The following HTR7 variants were observed in gnomAD, a reference collection of about 807,000 sequenced individuals.
The protein encoded by HTR7 is 5-hydroxytryptamine receptor 7.
HTR7 carries 16 observed loss-of-function variants against 34.0 expected under a neutral mutation model. That is an observed-to-expected ratio of 0.47 (90% CI 0.32 to 0.71). The LOEUF (loss-of-function observed/expected upper bound fraction) is 0.71, where lower values mean the gene tolerates loss of function less well. Among genes scored for constraint, HTR7 ranks in the 30% least tolerant of loss-of-function variants. The pLI is 0.04. For synonymous variants in HTR7, 265 were observed against 260.2 expected (o/e 1.02, Z -0.18); for missense variants, 504 against 625.5 (o/e 0.81, Z 2.07).
At chr10:90,767,077 A>G (rs2119741344) in intron 1 of HTR7, among the ~76,000 whole-genome samples, 1 of 152,194 alleles carries the variant, frequency 6.6e-6, no homozygotes, top group East Asian at 1.9e-4. Context: ...AGCTGTGCTC[A>G]GCAATTGGGA....
intron 1 of HTR7, among the ~76,000 whole-genome samples, chr10:90,849,181 T>A (rs192077728): frequency 6.6e-6 from 1 of 152,242 alleles, no homozygotes; most frequent in African/African-American, 2.4e-5. Context: ...GATATGTACC[T>A]GGTGATAAAA....
intron 1 of HTR7, among the ~76,000 whole-genome samples, chr10:90,831,269 T>C (rs1846168021): frequency 6.6e-6 from 1 of 152,122 alleles, no homozygotes; most frequent in Non-Finnish European, 1.5e-5. Flanking sequence ...TGTCCGGAGT[T>C]TGTTCCTTCT....
At chr10:90,836,047 A>C (rs750766210) in intron 1 of HTR7, among the ~76,000 whole-genome samples, 1 of 152,154 alleles carries the variant, frequency 6.6e-6, no homozygotes, top group Non-Finnish European at 1.5e-5. Flanking sequence ...ATTATATAAG[A>C]CACAAATTAC....
chr10:90,771,457 A>G (rs1284184338), intron 1 of HTR7, among the ~76,000 whole-genome samples: 1 of 152,212 alleles, frequency 6.6e-6, no homozygotes. Context: ...CTTTGGGGAG[A>G]CCAGACCTGA....
chr10:90,777,865 G>C (rs1300522835), intron 1 of HTR7, among the ~76,000 whole-genome samples: 3 of 152,208 alleles, frequency 2.0e-5, no homozygotes, highest in Non-Finnish European at 4.4e-5. Context: ...GTCAGTATGA[G>C]AGATCAAAAT....
At chr10:90,751,935 A>G (rs1252897769) in intron 1 of HTR7, among the ~76,000 whole-genome samples, 1 of 152,222 alleles carries the variant, frequency 6.6e-6, no homozygotes, top group Non-Finnish European at 1.5e-5. Flanking sequence ...AACATTTCAG[A>G]ATTTTAGATA....
At chr10:90,811,709 G>GC (rs1282303216) in intron 1 of HTR7, among the ~76,000 whole-genome samples, 1 of 151,986 alleles carries the variant, frequency 6.6e-6, no homozygotes, top group Non-Finnish European at 1.5e-5. Flanking sequence ...TCAGGGATTT[G>GC]CCCCCGCCCA....
chr10:90,843,490 C>A (rs1846361141), intron 1 of HTR7, among the ~76,000 whole-genome samples: 1 of 152,098 alleles, frequency 6.6e-6, no homozygotes, highest in Admixed American at 6.6e-5. Context: ...CAAGGACCTG[C>A]CTGAAGAGTG....
chr10:90,743,119 G>C (rs1299598183), intron 3 of HTR7, among the ~76,000 whole-genome samples: 1 of 152,062 alleles, frequency 6.6e-6, no homozygotes, highest in Non-Finnish European at 1.5e-5. Context: ...TACATCATGT[G>C]CCTAAGAGCT....
intron 1 of HTR7, among the ~76,000 whole-genome samples, chr10:90,802,198 G>A (rs1290988626): frequency 6.6e-6 from 1 of 152,152 alleles, no homozygotes; most frequent in African/African-American, 2.4e-5. Flanking sequence ...TTATGTGCTT[G>A]GGTTACTTTT....
At chr10:90,768,007 C>T (rs181160000) in intron 1 of HTR7, among the ~76,000 whole-genome samples, 51 of 152,254 alleles carry the variant, frequency 3.3e-4, no homozygotes, top group Non-Finnish European at 5.7e-4. Flanking sequence ...CTTCCTCTAA[C>T]AAGTTTTTAT....
chr10:90,802,983 C>G (rs994876301), intron 1 of HTR7, among the ~76,000 whole-genome samples: 1 of 149,260 alleles, frequency 6.7e-6, no homozygotes, highest in Non-Finnish European at 1.5e-5. Flanking sequence ...ATGAGTTGTA[C>G]CCCATTTGTG....
rs139162057 is a variant in HTR7, at chr10:90,767,176, C to G, written c.540-17582G>C. Among the ~76,000 whole-genome samples the G allele has an allele frequency of 3.0e-3, 456 of 152,246 alleles. 4 individuals are homozygous for G. Among genetic ancestry groups the G allele is most frequent in the African/African-American group, 0.01 (436 of 41,544 alleles). ...ATTGAATAGGGCTACTGGATTGGCT[C>G]TCTGCTCAGTGGGGTCATAGGCTGG... On this transcript the variant is annotated intron_variant, in intron 1 of 3. Transcript: ENST00000336152.
At chr10:90,791,138 T>C (rs891895622) in intron 1 of HTR7, among the ~76,000 whole-genome samples, 1 of 152,000 alleles carries the variant, frequency 6.6e-6, no homozygotes, top group African/African-American at 2.4e-5. Context: ...TGTGAGAAAT[T>C]ACCATGGGCC....
chr10:90,809,967 T>C (rs961820713), intron 1 of HTR7, among the ~76,000 whole-genome samples: 8 of 152,172 alleles, frequency 5.3e-5, no homozygotes, highest in African/African-American at 1.7e-4. Flanking sequence ...ACCTTCACAG[T>C]GGAAGGTAAG....
At position 90,749,131 on chromosome 10, in the gene HTR7, C is replaced by A. The variant is rs751592867; in HGVS notation, c.1003G>T (p.Ala335Ser). The A allele has an allele frequency of 1.2e-5, 20 of 1,614,132 alleles. No homozygotes were observed. Among genetic ancestry groups the A allele is most frequent in the Non-Finnish European group, 1.7e-5 (20 of 1,180,030 alleles). The change falls in exon 2 of 4, where the codon GCC (alanine) becomes TCC (serine). Residue 335 changes from alanine (A) to serine (S), a missense_variant. By Grantham distance (99) the Ala-to-Ser change is moderately conservative. Transcript: ENST00000336152. This position sits in a 1 kb window ranked among gnomAD's most constrained non-coding sequence, Gnocchi z 4.2. Reference protein sequence around the residue: ...AATTLGIIVGAFTVCWLPFFL... With the variant: ...AATTLGIIVGSFTVCWLPFFL... ...AATGGCAGCCAGCACACGGTAAAGG[C>A]CCCGACGATGATCCCCAGGGTGGTG...
intron 1 of HTR7, among the ~76,000 whole-genome samples, chr10:90,807,394 C>T (rs1156356063): frequency 6.6e-6 from 1 of 152,112 alleles, no homozygotes; most frequent in African/African-American, 2.4e-5. Flanking sequence ...AGTGAATATG[C>T]CCTGCCTCAC....
chr10:90,835,999 T>C (rs984151982), intron 1 of HTR7, among the ~76,000 whole-genome samples: 8 of 152,116 alleles, frequency 5.3e-5, no homozygotes, highest in Admixed American at 2.0e-4. Context: ...CTATCTGAGG[T>C]GTGATGATGC....
chr10:90,778,604 A>G (rs1457765932), intron 1 of HTR7, among the ~76,000 whole-genome samples: 2 of 152,232 alleles, frequency 1.3e-5, no homozygotes, highest in East Asian at 3.8e-4. Context: ...AAGACATCCT[A>G]AAACAGAGAC....
Sources: allele counts gnomAD v4.1 joint callset (sites outside exome capture counted in the v4.1 genomes callset), GRCh38; gene constraint gnomAD v4.1.1; non-coding constraint Gnocchi (gnomAD v3.1); transcripts MANE v1.5; gene names NCBI Gene and HGNC (gene_info 2026-07-23, HGNC 2026-07-21).